The following RANBP9 variants were observed in gnomAD, a reference collection of about 807,000 sequenced individuals.
RANBP9 encodes the protein ran-binding protein 9.
RANBP9 carries 15 observed loss-of-function variants against 84.3 expected under a neutral mutation model. That is an observed-to-expected ratio of 0.18 (90% CI 0.12 to 0.27). The LOEUF is 0.27. Among genes scored for constraint, RANBP9 ranks in the 10% least tolerant of loss-of-function variants. The pLI is 1.00. For synonymous variants in RANBP9, 392 were observed against 349.6 expected (o/e 1.12, Z -1.35); for missense variants, 809 against 912.8 (o/e 0.89, Z 1.46).
chr6:13,699,585 G>A (rs552079940), intron 1 of RANBP9, among the ~76,000 whole-genome samples: 11 of 152,108 alleles, frequency 7.2e-5, no homozygotes, highest in South Asian at 2.1e-4. Flanking sequence ...CCTTTGAGCC[G>A]GGCGTGGTGG....
intron 1 of RANBP9, among the ~76,000 whole-genome samples, chr6:13,705,826 G>T (rs951803562): frequency 2.2e-5 from 3 of 139,404 alleles, no homozygotes; most frequent in Non-Finnish European, 4.5e-5. Flanking sequence ...TCGCGCCACT[G>T]CCCTGCAGCC....
At chr6:13,693,818 G>A (rs755138995) in intron 2 of RANBP9, among the ~76,000 whole-genome samples, 3 of 152,080 alleles carry the variant, frequency 2.0e-5, no homozygotes, top group Non-Finnish European at 2.9e-5. Flanking sequence ...TGAGGCAGGC[G>A]GATCATTTGA....
chr6:13,634,633 A>G, intron 10 of RANBP9, 81 bp from the exon 11 acceptor site: 1 of 1,258,158 alleles, frequency 7.9e-7, no homozygotes. Flanking sequence ...TGAACTACAT[A>G]GCCTACGAAT....
rs1235279478 is a variant in RANBP9 at position 13,711,071 on chromosome 6, C to T, written c.435G>A (p.Lys145=). The T allele has an allele frequency of 6.9e-6, 11 of 1,582,780 alleles. No homozygotes were observed. The South Asian group carries it at 1.1e-4, about 16-fold the overall frequency. ...HGDSALNEQE[K]ELQRRLKRLY... is the part of the protein sequence containing the mutation. ...GACGCTTCAGCCGCCGCTGCAACTC[C>T]TTCTCCTGCTCGTTCAGGGCCGAGT... The change falls in exon 1 of 14, where the codon AAG becomes AAA. Residue 145 remains lysine (K), a synonymous_variant. Transcript: ENST00000011619.
rs146257291 is a variant in RANBP9 at position 13,666,890 on chromosome 6, G to A, written c.684-8058C>T. 3.3e-3 allele frequency among the ~76,000 whole-genome samples: 507 copies of A among 152,264 alleles called. 2 individuals are homozygous for A. Among genetic ancestry groups the A allele is most frequent in the African/African-American group, 0.012 (492 of 41,542 alleles). ...AGAGTTACCACTTGTGAGTTACTGT[G>A]AAGTGATGAAAGGAGGGTTATCTGA... On this transcript the variant is annotated intron_variant, in intron 2 of 13. Coordinates refer to ENST00000011619, the MANE Select transcript of RANBP9 (RefSeq NM_005493.3).
At chr6:13,625,786 G>T (rs1584906184) in intron 12 of RANBP9, 22 bp from the exon 13 acceptor site, 1 of 1,504,012 alleles carries the variant, frequency 6.6e-7, no homozygotes, top group Non-Finnish European at 9.3e-7. Context: ...ACATCGATTT[G>T]GTTTTAATTC....
chr6:13,704,832 C>T (rs891067379), intron 1 of RANBP9, among the ~76,000 whole-genome samples: 1 of 152,088 alleles, frequency 6.6e-6, no homozygotes, highest in Non-Finnish European at 1.5e-5. Flanking sequence ...CCACTAGCCT[C>T]GACTCCTCCA....
At chr6:13,665,148 A>T (rs1033581996) in intron 2 of RANBP9, among the ~76,000 whole-genome samples, 3 of 152,188 alleles carry the variant, frequency 2.0e-5, no homozygotes, top group Admixed American at 2.0e-4. Flanking sequence ...AATGTTAAAA[A>T]CTATAAAGGT....
At chr6:13,703,284 T>C (rs1758021871) in intron 1 of RANBP9, among the ~76,000 whole-genome samples, 1 of 152,194 alleles carries the variant, frequency 6.6e-6, no homozygotes. Flanking sequence ...TCCCCATCTT[T>C]GGCCCACTGC....
At chr6:13,659,281 C>T (rs1428598730) in intron 2 of RANBP9, among the ~76,000 whole-genome samples, 3 of 151,564 alleles carry the variant, frequency 2.0e-5, no homozygotes, top group African/African-American at 7.3e-5. Flanking sequence ...CACACACACA[C>T]ACACACACAC....
chr6:13,692,049 C>T (rs1409441313), intron 2 of RANBP9, among the ~76,000 whole-genome samples: 3 of 152,264 alleles, frequency 2.0e-5, no homozygotes, highest in African/African-American at 7.2e-5. Context: ...TCTTTCTGGT[C>T]CATACTTTAC....
In RANBP9 at chr6:13,634,542, C is replaced by T. The variant is rs1004861954; in HGVS notation, c.1684G>A (p.Asp562Asn). 6.2e-7 allele frequency: 1 copy of T among 1,602,978 alleles called. No homozygotes were observed. Among genetic ancestry groups the T allele is most frequent in the Non-Finnish European group, 8.5e-7 (1 of 1,174,358 alleles). ...TTGGAGTAGTGATCTGTTTCCATGT[C>T]TACATCATTACTGAAAACGAAAAAA... ...QVNNFTSNDV[D>N]METDHYSNGV... Residue 562 changes from aspartate (D) to asparagine (N), a missense_variant, in exon 11 of 14, where the codon GAC (aspartate) becomes AAC (asparagine). By Grantham distance (23) the Asp-to-Asn change is conservative (BLOSUM62 1). Transcript: ENST00000011619.
intron 5 of RANBP9, among the ~76,000 whole-genome samples, chr6:13,649,299 A>AG (rs1765240696): frequency 1.3e-5 from 2 of 152,250 alleles, no homozygotes; most frequent in East Asian, 3.9e-4. Flanking sequence ...TGGCTACCTG[A>AG]GGGAAAAAAC....
chr6:13,672,510 AAT>A lies in RANBP9; in HGVS notation c.684-13680_684-13679del, dbSNP rs533143660. 2.7e-3 allele frequency among the ~76,000 whole-genome samples: 407 copies of A among 152,300 alleles called. 2 individuals carry two copies. Among genetic ancestry groups the A allele is most frequent in the African/African-American group, 9.5e-3 (396 of 41,568 alleles). On this transcript the variant is annotated intron_variant, in intron 2 of 13. Transcript: ENST00000011619. ...AATGAAATGTCTTATACCTACAAACAATATAAATACCTAGTGAACATTAAACA... is the reference window on the plus strand; with the variant it reads ...AATGAAATGTCTTATACCTACAAACAATAAATACCTAGTGAACATTAAACA...
intron 2 of RANBP9, among the ~76,000 whole-genome samples, chr6:13,660,976 G>C (rs1765527576): frequency 6.6e-6 from 1 of 152,202 alleles, no homozygotes; most frequent in Admixed American, 6.5e-5. Flanking sequence ...AAAGCTCTGA[G>C]TCTATGAGCA....
At chr6:13,685,928 T>TA (rs1341094793) in intron 2 of RANBP9, among the ~76,000 whole-genome samples, 49 of 138,100 alleles carry the variant, frequency 3.5e-4, no homozygotes, top group African/African-American at 1.3e-3. Flanking sequence ...AGACTCTGTC[T>TA]CAAAAAAAAA....
In RANBP9 at chr6:13,644,667, C is replaced by G; in HGVS notation, c.990G>C (p.Gly330=). ...CTATATCAAACACGAAAGGATGTTGCCCAAAATTGGCATCGACCACTTCTC... is the reference window on the plus strand; with the variant it reads ...CTATATCAAACACGAAAGGATGTTGGCCAAAATTGGCATCGACCACTTCTC... ...TPGEVVDANF[G]QHPFVFDIED... The change falls in exon 6 of 14, where the codon GGG becomes GGC. Residue 330 remains glycine, a synonymous_variant. Coordinates refer to ENST00000011619, the MANE Select transcript of RANBP9 (RefSeq NM_005493.3). 6.2e-7 allele frequency: 1 copy of G among 1,613,098 alleles called. No homozygotes were observed. Among genetic ancestry groups the G allele is most frequent in the Non-Finnish European group, 8.5e-7 (1 of 1,179,488 alleles).
chr6:13,653,016 A>G, intron 4 of RANBP9, among the ~76,000 whole-genome samples: 1 of 152,156 alleles, frequency 6.6e-6, no homozygotes. Flanking sequence ...CAAAATAGTC[A>G]GTTTATTTTT....
intron 13 of RANBP9, among the ~76,000 whole-genome samples, chr6:13,623,172 T>C (rs1764503101): frequency 6.6e-6 from 1 of 152,192 alleles, no homozygotes; most frequent in Non-Finnish European, 1.5e-5. Context: ...ATTAACAAAA[T>C]TTGTTCCTTG....
Sources: gnomAD v4.1 joint callset for allele counts (sites outside exome capture counted in the v4.1 genomes callset) on GRCh38, gnomAD v4.1.1 for gene constraint, MANE v1.5 for transcripts, NCBI Gene and HGNC (gene_info 2026-07-23, HGNC 2026-07-21) for gene names.